Variants in ZNF608 observed in about 807,000 individuals in gnomAD.
ZNF608 encodes the protein zinc finger protein 608.
A neutral mutation model predicts 109.0 loss-of-function variants in ZNF608; 12 were observed. The observed-to-expected ratio is 0.11, with a 90% CI of 0.07 to 0.18. The LOEUF (loss-of-function observed/expected upper bound fraction) is 0.18, where lower values mean the gene tolerates loss of function less well. Ranked by LOEUF, ZNF608 falls within the 10% of genes least tolerant of loss-of-function variation. The pLI, the probability that ZNF608 is intolerant of heterozygous loss-of-function variation, is 1.00. For missense variants in ZNF608, 1,707 were observed against 1,879.3 expected, an observed-to-expected ratio of 0.91 and a Z score of 1.70; for synonymous variants, 732 against 717.4, an observed-to-expected ratio of 1.02 and a Z score of -0.33.
rs1036995966 is a variant in ZNF608 at position 124,700,903 on chromosome 5, C to T, written c.1162+111G>A. ...AAATCCAGAGAGCGGAAATAAAAAA[C>T]ACTTTCCATTCCTCTCTGAATACCG... On this transcript the variant is annotated intron_variant, in intron 3 of 9. Transcript: ENST00000513986. 4.1e-5 allele frequency: 58 copies of T among 1,414,708 alleles called. No individual in the cohort carries two copies. The Admixed American group carries it at 1.0e-3, about 24-fold the overall frequency. The allele number at this position is 1,414,708 out of a possible 1,614,324, so 87.6% of individuals were successfully genotyped here.
chr5:124,701,808 C>A (rs944262921), intron 2 of ZNF608, among the ~76,000 whole-genome samples: 1 of 152,184 alleles, frequency 6.6e-6, no homozygotes, highest in Non-Finnish European at 1.5e-5. Context: ...AACACAAAAA[C>A]TGGATATTGT....
chr5:124,649,771 T>C (rs9764110), intron 3 of ZNF608, 74 bp from the exon 4 acceptor site: 205,361 of 975,936 alleles, frequency 0.21, 22,350 homozygotes, highest in African/African-American at 0.24. Flanking sequence ...CTTATTATTT[T>C]TTTCTCTTTT....
intron 3 of ZNF608, among the ~76,000 whole-genome samples, chr5:124,699,946 T>C (rs767223849): frequency 1.3e-5 from 2 of 152,066 alleles, no homozygotes; most frequent in African/African-American, 2.4e-5. Flanking sequence ...TCTCCCTTGA[T>C]TCAGAGGAAT....
chr5:124,748,564 T>A, upstream of ZNF608: 1 of 985,394 alleles, frequency 1.0e-6, no homozygotes, highest in Non-Finnish European at 1.2e-6. Flanking sequence ...ACCTTTTCCT[T>A]CTAACTGCAT....
chr5:124,646,645 C>T (rs754409389), intron 5 of ZNF608, 34 bp downstream of exon 5: 7 of 1,587,418 alleles, frequency 4.4e-6, no homozygotes, highest in Non-Finnish European at 6.0e-6. Context: ...TCAGACTGCT[C>T]TCTCCCTGTT....
chr5:124,676,563 TAGCA>T (rs1751953832), intron 3 of ZNF608, among the ~76,000 whole-genome samples: 1 of 152,146 alleles, frequency 6.6e-6, no homozygotes, highest in Non-Finnish European at 1.5e-5. Flanking sequence ...CGTACCGTGT[TAGCA>T]AAACAAATCT....
intron 3 of ZNF608, among the ~76,000 whole-genome samples, chr5:124,667,242 G>C (rs1751515494): frequency 6.6e-6 from 1 of 152,178 alleles, no homozygotes; most frequent in Admixed American, 6.5e-5. Flanking sequence ...AAGTTAGGAT[G>C]GCAGGAGGAA....
intron 2 of ZNF608, among the ~76,000 whole-genome samples, chr5:124,721,941 CAAAAAAAAAAAAAAAAAAAA>C (rs199699487): frequency 4.8e-5 from 1 of 20,812 alleles, no homozygotes; most frequent in Admixed American, 5.6e-4. Context: ...GACTCTGTCT[CAAAAAAAAAAAAAAAAAAAA>C]AAAAAAAAAA....
At chr5:124,674,646 T>C (rs144833471) in intron 3 of ZNF608, among the ~76,000 whole-genome samples, 35 of 152,356 alleles carry the variant, frequency 2.3e-4, no homozygotes, top group African/African-American at 7.7e-4. Context: ...AGTCTCCCTC[T>C]ATCACCCAGT....
chr5:124,716,091 C>T (rs1335161751), intron 2 of ZNF608, among the ~76,000 whole-genome samples: 1 of 143,754 alleles, frequency 7.0e-6, no homozygotes, highest in Non-Finnish European at 1.5e-5. Context: ...GGCAGTGAGC[C>T]GAGATCGCGC....
At chr5:124,745,848 A>G (rs1165029488) in intron 1 of ZNF608, among the ~76,000 whole-genome samples, 1 of 152,170 alleles carries the variant, frequency 6.6e-6, no homozygotes, top group Non-Finnish European at 1.5e-5. Context: ...TGAAATATGC[A>G]TGTCTTTTAA....
chr5:124,746,613 G>C lies in ZNF608; in HGVS notation c.-602C>G. The C allele has an allele frequency of 1.0e-6, 1 of 985,190 alleles. No individual in the cohort carries two copies. The highest frequency in any genetic ancestry group is 1.1e-4 in the East Asian group (1 of 8,818). 61.0% of individuals were successfully genotyped at this position (985,190 alleles called of 1,614,324 possible). On this transcript the variant is annotated 5_prime_UTR_variant, in exon 1 of 10. Coordinates refer to ENST00000513986, the MANE Select transcript of ZNF608 (RefSeq NM_020747.3). ...CCGTGATCAGTAATGATCCCATGTAGCAAACCTACAGGCGTCCGCTAGTAA... is the reference window on the plus strand; with the variant it reads ...CCGTGATCAGTAATGATCCCATGTACCAAACCTACAGGCGTCCGCTAGTAA...
At chr5:124,716,486 G>C (rs1451839706) in intron 2 of ZNF608, among the ~76,000 whole-genome samples, 1 of 152,068 alleles carries the variant, frequency 6.6e-6, no homozygotes, top group Non-Finnish European at 1.5e-5. Flanking sequence ...AAATATACTA[G>C]GAAAAAGTAG....
At chr5:124,658,622 C>T (rs1751113555) in intron 3 of ZNF608, among the ~76,000 whole-genome samples, 1 of 152,180 alleles carries the variant, frequency 6.6e-6, no homozygotes, top group Non-Finnish European at 1.5e-5. Flanking sequence ...ATGACGATTT[C>T]TAGTGTGGGG....
chr5:124,742,394 G>T (rs996894810), intron 2 of ZNF608, among the ~76,000 whole-genome samples: 1 of 152,194 alleles, frequency 6.6e-6, no homozygotes, highest in Non-Finnish European at 1.5e-5. Flanking sequence ...CAATCAAATG[G>T]CTCTGACTCC....
intron 2 of ZNF608, among the ~76,000 whole-genome samples, chr5:124,723,907 G>A (rs557836774): frequency 9.5e-4 from 144 of 151,552 alleles, no homozygotes; most frequent in African/African-American, 3.2e-3. Context: ...GATAATCAAA[G>A]GTTATAAATT....
At chr5:124,731,498 A>AC (rs1484542120) in intron 2 of ZNF608, among the ~76,000 whole-genome samples, 1 of 151,358 alleles carries the variant, frequency 6.6e-6, no homozygotes, top group Non-Finnish European at 1.5e-5. Flanking sequence ...GGCGTGAGCC[A>AC]CCGCGCCCAG....
intron 2 of ZNF608, among the ~76,000 whole-genome samples, chr5:124,720,911 A>G (rs768055597): frequency 1.5e-5 from 2 of 135,380 alleles, no homozygotes; most frequent in Non-Finnish European, 3.0e-5. Context: ...GCTATATGTT[A>G]TAATAAACGC....
At chr5:124,717,850 C>G (rs140268973) in intron 2 of ZNF608, among the ~76,000 whole-genome samples, 201 of 152,292 alleles carry the variant, frequency 1.3e-3, no homozygotes, top group African/African-American at 3.1e-3. Flanking sequence ...ATGGGGGACT[C>G]TGGGTGTGTC....
Sources: gnomAD v4.1 joint callset for allele counts (sites outside exome capture counted in the v4.1 genomes callset) on GRCh38, gnomAD v4.1.1 for gene constraint, MANE v1.5 for transcripts, NCBI Gene and HGNC (gene_info 2026-07-23, HGNC 2026-07-21) for gene names.